SMAD4: variants seen among roughly 807,000 people sequenced by gnomAD.
SMAD4 encodes the protein SMAD family member 4.
In SMAD4, 7 loss-of-function variants were observed where a neutral mutation model predicts 63.2. That is an observed-to-expected ratio of 0.11 (90% CI 0.06 to 0.21). SMAD4 has a LOEUF of 0.21. SMAD4 is among the 10% of genes least tolerant of loss of function. The pLI is 1.00. For synonymous variants in SMAD4, 215 were observed against 235.4 expected, an observed-to-expected ratio of 0.91 and a Z score of 0.79; for missense variants, 312 against 693.8, an observed-to-expected ratio of 0.45 and a Z score of 6.18.
At chr18:51,057,221 T>C (rs1421991054) in intron 5 of SMAD4, among the ~76,000 whole-genome samples, 1 of 152,160 alleles carries the variant, frequency 6.6e-6, no homozygotes, top group African/African-American at 2.4e-5. Flanking sequence ...TAGAAAAGAA[T>C]GAGGTGATGC....
At chr18:51,055,873 C>T (rs953759347) in intron 5 of SMAD4, among the ~76,000 whole-genome samples, 2 of 152,006 alleles carry the variant, frequency 1.3e-5, no homozygotes, top group Non-Finnish European at 2.9e-5. Context: ...ATTGTATTTG[C>T]TTTACTATCA....
intron 1 of SMAD4, among the ~76,000 whole-genome samples, chr18:51,033,265 C>T (rs1909104270): frequency 6.7e-6 from 1 of 149,402 alleles, no homozygotes; most frequent in South Asian, 2.1e-4. Context: ...TCTCCACTCA[C>T]TGCAAACCCC....
intron 10 of SMAD4, among the ~76,000 whole-genome samples, chr18:51,073,759 G>A (rs1216239948): frequency 2.0e-5 from 3 of 151,996 alleles, no homozygotes; most frequent in Non-Finnish European, 4.4e-5. Flanking sequence ...AGGAACTCCT[G>A]ACCTCAAGTG....
chr18:51,067,298 G>T (rs1205946953), intron 10 of SMAD4, 111 bp downstream of exon 10: 5 of 590,654 alleles, frequency 8.5e-6, no homozygotes, highest in African/African-American at 5.6e-5. Flanking sequence ...TAAATAATAA[G>T]AAATTGTGTT....
In SMAD4 at chr18:51,081,321, T is replaced by G. The variant is rs1910608265; in HGVS notation, c.*2854T>G. 1 of 228,526 alleles carries G rather than the reference T, an allele frequency of 4.4e-6. No homozygotes were observed. Among genetic ancestry groups the G allele is most frequent in the African/African-American group, 2.2e-5 (1 of 45,086 alleles). The allele number at this position is 228,526 out of a possible 1,614,324, so 14.2% of individuals were successfully genotyped here. ...CCACCGTAAGACCTCATTCCATGTT[T>G]GTCCAGTGCCTTTCAGTGCATTATC... is the stretch of plus-strand genomic sequence containing the variant. On this transcript the variant is annotated 3_prime_UTR_variant, in exon 12 of 12. Transcript: ENST00000342988.
chr18:51,078,110 C>G, intron 11 of SMAD4, 146 bp from the exon 12 acceptor site: 1 of 723,606 alleles, frequency 1.4e-6, no homozygotes, highest in Non-Finnish European at 2.5e-6. Flanking sequence ...TTTAGATCTA[C>G]TGTTACTTCT....
intron 10 of SMAD4, among the ~76,000 whole-genome samples, chr18:51,071,274 A>ACG (rs1910308316): frequency 1.3e-5 from 2 of 152,044 alleles, no homozygotes; most frequent in African/African-American, 4.8e-5. Context: ...ATACACACAC[A>ACG]CACACATACA....
intron 5 of SMAD4, 98 bp from the exon 6 acceptor site, chr18:51,058,027 T>G (rs146682057): frequency 1.4e-6 from 2 of 1,405,224 alleles, no homozygotes; most frequent in Admixed American, 3.5e-5. Flanking sequence ...ATCTTTATAG[T>G]TGTGCATTAT....
intron 1 of SMAD4, among the ~76,000 whole-genome samples, chr18:51,034,316 G>A (rs1909140420): frequency 6.7e-6 from 1 of 149,394 alleles, no homozygotes; most frequent in Admixed American, 6.7e-5. Flanking sequence ...GTACGATTTC[G>A]GCTCACTGCA....
intron 1 of SMAD4, among the ~76,000 whole-genome samples, chr18:51,046,300 A>G (rs1909540046): frequency 1.3e-5 from 2 of 152,174 alleles, no homozygotes; most frequent in African/African-American, 4.8e-5. Context: ...CCATCTCAGT[A>G]GGTATGAAGT....
intron 10 of SMAD4, among the ~76,000 whole-genome samples, chr18:51,076,350 C>T (rs563049092): frequency 6.6e-6 from 1 of 152,204 alleles, no homozygotes; most frequent in South Asian, 2.1e-4. Flanking sequence ...ACACAGATTT[C>T]CACAAGGACA....
At chr18:51,053,709 A>G (rs1388048865) in intron 4 of SMAD4, 2 of 152,156 alleles carry the variant, frequency 1.3e-5, no homozygotes, top group East Asian at 1.9e-4. Flanking sequence ...TGATATTTAC[A>G]TGTAGTAGAT....
rs1303474905 is a variant in SMAD4 at position 51,067,136 on chromosome 18, G to C, written c.1257G>C (p.Gly419=). 1.9e-6 allele frequency: 3 copies of C among 1,610,562 alleles called. No homozygotes were observed. The highest frequency in any genetic ancestry group is 2.5e-6 in the Non-Finnish European group (3 of 1,176,754). Residue 419 remains glycine (G), a synonymous_variant, in exon 10 of 12, where the codon GGG becomes GGC. Coordinates refer to ENST00000342988, the MANE Select transcript of SMAD4 (RefSeq NM_005359.6). Reference sequence around the variant, plus strand: ...GTTACTACTTAGACAGAGAAGCTGGGCGTGCACCTGGAGATGCTGTTCATA... The same window carrying C: ...GTTACTACTTAGACAGAGAAGCTGGCCGTGCACCTGGAGATGCTGTTCATA... ...VQSYYLDREA[G]RAPGDAVHKI...
At chr18:51,073,234 C>T (rs1322128271) in intron 10 of SMAD4, among the ~76,000 whole-genome samples, 1 of 151,292 alleles carries the variant, frequency 6.6e-6, no homozygotes, top group East Asian at 1.9e-4. Flanking sequence ...TTGGAGAGAG[C>T]CTATGTGTGA....
intron 10 of SMAD4, among the ~76,000 whole-genome samples, chr18:51,072,410 C>G (rs1352940478): frequency 2.6e-5 from 4 of 152,142 alleles, no homozygotes; most frequent in African/African-American, 7.2e-5. Flanking sequence ...TGCTTCTAAA[C>G]CACTGGTGGA....
At chr18:51,067,605 G>T (rs1835425378) in intron 10 of SMAD4, among the ~76,000 whole-genome samples, 1 of 152,026 alleles carries the variant, frequency 6.6e-6, no homozygotes, top group African/African-American at 2.4e-5. Context: ...TAGAGACGGG[G>T]TTTCACCATG....
chr18:51,039,558 G>A (rs781439742), intron 1 of SMAD4, among the ~76,000 whole-genome samples: 15 of 133,518 alleles, frequency 1.1e-4, no homozygotes, highest in African/African-American at 1.7e-4. Context: ...CCTGCCTTGC[G>A]TTCTTTTTCA....
intron 10 of SMAD4, among the ~76,000 whole-genome samples, chr18:51,073,081 T>C (rs1488869337): frequency 1.3e-5 from 2 of 152,034 alleles, no homozygotes; most frequent in African/African-American, 2.4e-5. Flanking sequence ...GGAGGTTTGC[T>C]GAGGTGCCCA....
At chr18:51,034,477 C>T (rs1352874500) in intron 1 of SMAD4, among the ~76,000 whole-genome samples, 1 of 152,152 alleles carries the variant, frequency 6.6e-6, no homozygotes, top group African/African-American at 2.4e-5. Flanking sequence ...TCTTGAACTC[C>T]TGACCTCAGG....
Sources: allele counts gnomAD v4.1 joint callset (sites outside exome capture counted in the v4.1 genomes callset), GRCh38; gene constraint gnomAD v4.1.1; transcripts MANE v1.5; gene names NCBI Gene and HGNC (gene_info 2026-07-23, HGNC 2026-07-21).